Variants in ACSS1 observed in about 807,000 individuals in gnomAD.
The protein encoded by ACSS1 is acyl-CoA synthetase short chain family member 1.
Under a neutral mutation model 75.3 loss-of-function variants are expected in ACSS1, and 42 were observed. That is an observed-to-expected ratio of 0.56 (90% CI 0.44 to 0.72). The LOEUF (loss-of-function observed/expected upper bound fraction) is 0.72. Among genes scored for constraint, ACSS1 ranks in the 30% least tolerant of loss-of-function variants. The pLI is 0.00. For synonymous variants in ACSS1, 380 were observed against 376.8 expected, an observed-to-expected ratio of 1.01 and a Z score of -0.10; for missense variants, 782 against 935.7, an observed-to-expected ratio of 0.84 and a Z score of 2.14.
intron 1 of ACSS1, among the ~76,000 whole-genome samples, chr20:25,055,875 C>T: frequency 6.6e-6 from 1 of 152,180 alleles, no homozygotes; most frequent in African/African-American, 2.4e-5. Flanking sequence ...CATGGCCTGG[C>T]CTGGCCCTTT....
intron 2 of ACSS1, among the ~76,000 whole-genome samples, chr20:25,031,404 C>T (rs928118654): frequency 1.3e-5 from 2 of 152,108 alleles, no homozygotes; most frequent in Non-Finnish European, 2.9e-5. Flanking sequence ...GTCCAGATGC[C>T]CCAATATTGC....
intron 2 of ACSS1, chr20:25,032,534 A>G (rs2088844700): frequency 8.0e-7 from 1 of 1,252,694 alleles, no homozygotes; most frequent in Admixed American, 3.9e-5. Flanking sequence ...CTAACACAGA[A>G]CGAAGAATGA....
intron 2 of ACSS1, among the ~76,000 whole-genome samples, chr20:25,036,099 A>T (rs564549973): frequency 6.6e-6 from 1 of 152,322 alleles, no homozygotes; most frequent in East Asian, 1.9e-4. Flanking sequence ...AATGAGTTAG[A>T]GTTTTACTTT....
rs2088435817 is a variant in ACSS1 at position 25,012,821 on chromosome 20, C to G, written c.1698G>C (p.Glu566Asp). ...CCCAGCCTGTGCTCACGATGGCGTC[C>G]TCAATCTCTGCGGTCCCCAGCCGGT... ...SGHRLGTAEI[E>D]DAIADHPAVP... The change falls in exon 11 of 14, where the codon GAG (glutamate) becomes GAC (aspartate). Residue 566 changes from glutamate to aspartate, a missense_variant. Coordinates refer to ENST00000323482, the MANE Select transcript of ACSS1 (RefSeq NM_032501.4). The G allele has an allele frequency of 3.7e-6, 6 of 1,614,160 alleles. No homozygotes were observed. The highest frequency in any genetic ancestry group is 5.1e-6 in the Non-Finnish European group (6 of 1,180,016).
intron 12 of ACSS1, 38 bp from the exon 13 acceptor site, chr20:25,009,426 T>C (rs1391233618): frequency 1.9e-6 from 3 of 1,557,182 alleles, no homozygotes; most frequent in East Asian, 2.2e-5. Context: ...TATTAAATAC[T>C]AGACAAGGAG....
At chr20:25,034,599 G>T (rs190549527) in intron 2 of ACSS1, among the ~76,000 whole-genome samples, 49 of 151,272 alleles carry the variant, frequency 3.2e-4, no homozygotes, top group African/African-American at 1.2e-3. Flanking sequence ...GTGGAGTTTC[G>T]CTCTTGTTGC....
intron 2 of ACSS1, among the ~76,000 whole-genome samples, chr20:25,031,789 GATC>G (rs1174772931): frequency 6.6e-6 from 1 of 152,208 alleles, no homozygotes; most frequent in East Asian, 1.9e-4. Context: ...CTGAGGCATA[GATC>G]ATCATGGTTC....
At chr20:25,014,373 G>C (rs1434457633) in intron 8 of ACSS1, among the ~76,000 whole-genome samples, 1 of 152,234 alleles carries the variant, frequency 6.6e-6, no homozygotes, top group Non-Finnish European at 1.5e-5. Flanking sequence ...TGCACATGAA[G>C]ACGGAGAAAA....
chr20:25,041,493 C>G (rs1600341233), intron 2 of ACSS1, among the ~76,000 whole-genome samples: 4 of 152,286 alleles, frequency 2.6e-5, no homozygotes, highest in Admixed American at 2.6e-4. Context: ...AGCCCTTGTC[C>G]CCAGGCCACC....
At chr20:25,032,906 C>CA (rs2088851450) in intron 2 of ACSS1, among the ~76,000 whole-genome samples, 1 of 152,232 alleles carries the variant, frequency 6.6e-6, no homozygotes, top group Admixed American at 6.5e-5. Context: ...AGCCTGGCTC[C>CA]AGCGGCCTCT....
At chr20:25,032,185 G>A (rs1231663664) in intron 2 of ACSS1, among the ~76,000 whole-genome samples, 1 of 152,210 alleles carries the variant, frequency 6.6e-6, no homozygotes, top group African/African-American at 2.4e-5. Flanking sequence ...TCTATGGTGT[G>A]CGCATGCCCT....
At chr20:25,057,172 C>T (rs1459974389) in intron 1 of ACSS1, among the ~76,000 whole-genome samples, 1 of 152,120 alleles carries the variant, frequency 6.6e-6, no homozygotes, top group South Asian at 2.1e-4. Flanking sequence ...ACTTCCTTCC[C>T]GTCCACAGGC....
intron 10 of ACSS1, 76 bp downstream of exon 10, chr20:25,013,460 T>C (rs1299118861): frequency 6.6e-7 from 1 of 1,519,664 alleles, no homozygotes. Flanking sequence ...TCAAATCCCA[T>C]TAAAAATGTT....
intron 2 of ACSS1, among the ~76,000 whole-genome samples, chr20:25,043,156 C>T (rs986062290): frequency 3.3e-5 from 5 of 151,898 alleles, no homozygotes; most frequent in Non-Finnish European, 7.4e-5. Context: ...ATGTCCTCAC[C>T]AGTCCCCCAC....
rs2088323012 is a variant in ACSS1, at chr20:25,007,135, G to C, written c.*627C>G. 1 of 1,374,576 alleles carries C rather than the reference G, an allele frequency of 7.3e-7. No individual in the cohort carries two copies. The highest frequency in any genetic ancestry group is 3.1e-5 in the Admixed American group (1 of 32,772). The allele number at this position is 1,374,576 out of a possible 1,614,324, so 85.1% of individuals were successfully genotyped here. A position where few individuals can be genotyped will look rare whatever the true frequency, so the allele number is the denominator to read the frequency against. On this transcript the variant is annotated 3_prime_UTR_variant, in exon 14 of 14. Coordinates refer to ENST00000323482, the MANE Select transcript of ACSS1 (RefSeq NM_032501.4). The stretch of plus-strand genomic sequence containing the variant: ...AGGCTTGGAAGTTCTCAAGGGAACT[G>C]TTTAGACAGAGGTACAAACATCTCC...
At chr20:25,055,406 C>T (rs939038226) in intron 1 of ACSS1, among the ~76,000 whole-genome samples, 5 of 152,296 alleles carry the variant, frequency 3.3e-5, no homozygotes, top group South Asian at 2.1e-4. Flanking sequence ...CCTGGAGCCA[C>T]GAAACTGTGT....
chr20:25,033,556 TA>T (rs942169183), intron 2 of ACSS1, among the ~76,000 whole-genome samples: 51 of 152,384 alleles, frequency 3.3e-4, no homozygotes, highest in Admixed American at 8.5e-4. Context: ...AATCGTTTTC[TA>T]AAATGACAAA....
At chr20:25,015,350 TC>T in intron 7 of ACSS1, 120 bp from the exon 8 acceptor site, 1 of 803,258 alleles carries the variant, frequency 1.2e-6, no homozygotes, top group Non-Finnish European at 1.9e-6. Flanking sequence ...TCACTCTGTC[TC>T]CCAGGATGAT....
chr20:25,012,327 C>G, intron 12 of ACSS1: 4 of 514,856 alleles, frequency 7.8e-6, no homozygotes, highest in African/African-American at 3.8e-5. Flanking sequence ...GAAGGGGAAA[C>G]CCCCCAAGCT....
Sources: allele counts gnomAD v4.1 joint callset (sites outside exome capture counted in the v4.1 genomes callset), GRCh38; gene constraint gnomAD v4.1.1; transcripts MANE v1.5; gene names NCBI Gene and HGNC (gene_info 2026-07-23, HGNC 2026-07-21).